Variants in ULBP1 observed in about 807,000 individuals in gnomAD.
ULBP1 encodes UL16-binding protein 1.
ULBP1 carries 28 observed loss-of-function variants against 25.3 expected under a neutral mutation model. That is an observed-to-expected ratio of 1.10 (90% CI 0.82 to 1.51). The LOEUF is 1.51. Ranked by LOEUF, ULBP1 falls within the 40% of genes most tolerant of loss-of-function variation. The probability of loss-of-function intolerance (pLI) is 0.00; values close to 1 mark genes in which losing one functional copy is unlikely to be tolerated. For synonymous variants in ULBP1, 129 were observed against 103.0 expected, an observed-to-expected ratio of 1.25 and a Z score of -1.53; for missense variants, 348 against 290.9, an observed-to-expected ratio of 1.20 and a Z score of -1.43.
intron 1 of ULBP1, 21 bp downstream of exon 1, chr6:149,964,155 T>C (rs776474610): frequency 1.2e-6 from 2 of 1,613,854 alleles, no homozygotes; most frequent in South Asian, 2.2e-5. Context: ...GGATGTAGCC[T>C]AAGCAGGGCG....
In ULBP1 at chr6:149,964,149, G is replaced by C; in HGVS notation, c.85+15G>C. On this transcript the variant is annotated intron_variant, in intron 1 of 4. Transcript: ENST00000229708. The stretch of plus-strand genomic sequence containing the variant: ...AGGATGGGTCGGTGAGTTCGGGGAT[G>C]TAGCCTAAGCAGGGCGGGGGCCAAA... 6.2e-7 allele frequency: 1 copy of C among 1,614,098 alleles called. No homozygotes were observed.
chr6:149,969,407 A>G (rs777529148), intron 3 of ULBP1, 47 bp downstream of exon 3: 5 of 1,594,774 alleles, frequency 3.1e-6, no homozygotes, highest in Admixed American at 3.4e-5. Context: ...TTCAGATCTT[A>G]TCAGCTGGTG....
chr6:149,970,061 C>G lies in ULBP1; in HGVS notation c.671C>G (p.Ala224Gly), dbSNP rs777475610. 35 of 1,613,404 alleles carry G rather than the reference C, an allele frequency of 2.2e-5. 1 individual carries two copies. In the South Asian group the frequency reaches 3.7e-4, roughly 17 times the overall value. ...GGCACAACCCAACCCAAGGCCATGGCCACCACCCTCAGTCCCTGGAGCCTT... is the reference window on the plus strand; with the variant it reads ...GGCACAACCCAACCCAAGGCCATGGGCACCACCCTCAGTCCCTGGAGCCTT... ...APGTTQPKAM[A>G]TTLSPWSLLI... Residue 224 changes from alanine (A) to glycine (G), a missense_variant, in exon 4 of 5, where the codon GCC (alanine) becomes GGC (glycine). Coordinates refer to ENST00000229708, the MANE Select transcript of ULBP1 (RefSeq NM_025218.4).
chr6:149,964,837 C>G (rs1291359860), intron 1 of ULBP1, among the ~76,000 whole-genome samples: 2 of 143,346 alleles, frequency 1.4e-5, no homozygotes, highest in Non-Finnish European at 3.1e-5. Context: ...CGCCGTCCCC[C>G]CGAGTAACGC....
chr6:149,967,409 C>A (rs1408680636), intron 1 of ULBP1, among the ~76,000 whole-genome samples: 1 of 152,172 alleles, frequency 6.6e-6, no homozygotes, highest in African/African-American at 2.4e-5. Flanking sequence ...TGAAGGAGCC[C>A]ACCAGGGCCT....
intron 3 of ULBP1, among the ~76,000 whole-genome samples, chr6:149,969,776 C>A (rs1354395159): frequency 6.6e-6 from 1 of 152,212 alleles, no homozygotes; most frequent in Non-Finnish European, 1.5e-5. Context: ...CCTCTTTCTC[C>A]ACAGCAGGAG....
intron 1 of ULBP1, among the ~76,000 whole-genome samples, chr6:149,967,106 C>T (rs1779217121): frequency 6.6e-6 from 1 of 152,192 alleles, no homozygotes; most frequent in Non-Finnish European, 1.5e-5. Context: ...ACTATCCATT[C>T]CCGGTAGAAA....
In ULBP1 at chr6:149,973,287, T is replaced by G. The variant is rs1271370772; in HGVS notation, c.*1941T>G. ...GTGGCAGCTAAACATTAAATTCGCATGAACCACAGATGCTGGAGATCACCA... is the reference window on the plus strand; with the variant it reads ...GTGGCAGCTAAACATTAAATTCGCAGGAACCACAGATGCTGGAGATCACCA... On this transcript the variant is annotated 3_prime_UTR_variant, in exon 5 of 5. Coordinates refer to ENST00000229708, the MANE Select transcript of ULBP1 (RefSeq NM_025218.4). 6.6e-6 allele frequency: 1 copy of G among 152,168 alleles called. No individual in the cohort carries two copies. 9.4% of individuals were successfully genotyped at this position (152,168 alleles called of 1,614,324 possible).
Position 149,969,182 on chromosome 6 carries a change from C to T in ULBP1, c.447C>T (p.Leu149=), listed in dbSNP as rs750387082. The T allele has an allele frequency of 1.9e-6, 3 of 1,614,224 alleles. No individual in the cohort carries two copies. The highest frequency in any genetic ancestry group is 1.7e-5 in the Admixed American group (1 of 60,030). The change falls in exon 3 of 5, where the codon CTC becomes CTT. Residue 149 remains leucine (L), a synonymous_variant. Transcript: ENST00000229708. ...TCCTCTTCAATGGACAGAAGTTCCT[C>T]CTCTTTGACTCAAACAACAGAAAGT... is the stretch of plus-strand genomic sequence containing the variant. The part of the protein sequence containing the change: ...WQFLFNGQKF[L]LFDSNNRKWT...
chr6:149,969,457 A>G (rs1779270097), intron 3 of ULBP1, 97 bp downstream of exon 3: 5 of 1,522,822 alleles, frequency 3.3e-6, no homozygotes, highest in East Asian at 2.3e-5. Flanking sequence ...TTGAGTGAGT[A>G]TGAACATGAC....
chr6:149,970,579 G>C (rs956246282), intron 4 of ULBP1, among the ~76,000 whole-genome samples: 1 of 152,374 alleles, frequency 6.6e-6, no homozygotes, highest in East Asian at 1.9e-4. Context: ...AGAGTGATCT[G>C]GGAGAATCCC....
chr6:149,968,421 G>T (rs772397941), intron 1 of ULBP1, among the ~76,000 whole-genome samples, 186 bp from the exon 2 acceptor site: 1 of 152,178 alleles, frequency 6.6e-6, no homozygotes, highest in Non-Finnish European at 1.5e-5. Flanking sequence ...CTTCCCCTCC[G>T]TGTACTCAAG....
Position 149,973,650 on chromosome 6 carries a change from A to G in ULBP1, c.*2304A>G, listed in dbSNP as rs1206019562. On this transcript the variant is annotated 3_prime_UTR_variant, in exon 5 of 5. Coordinates refer to ENST00000229708, the MANE Select transcript of ULBP1 (RefSeq NM_025218.4). ...TTGTATAAAAATTTGTATGATGATA[A>G]TTGTATAATAATTATACATGAAAGT... The G allele has an allele frequency of 6.6e-6, 1 of 152,230 alleles. No homozygotes were observed. Among genetic ancestry groups the G allele is most frequent in the African/African-American group, 2.4e-5 (1 of 41,468 alleles). 9.4% of individuals were successfully genotyped at this position (152,230 alleles called of 1,614,324 possible).
intron 1 of ULBP1, among the ~76,000 whole-genome samples, chr6:149,967,359 C>G (rs1024433936): frequency 6.6e-6 from 1 of 152,198 alleles, no homozygotes; most frequent in Non-Finnish European, 1.5e-5. Context: ...ATCTGGCTCT[C>G]TGGGGGAGGC....
In ULBP1 at chr6:149,968,607, A is replaced by G. The variant is rs1190705817; in HGVS notation, c.86A>G (p.Asp29Gly). The change falls in exon 2 of 5, where the codon GAC becomes GGC. Residue 29 changes from aspartate to glycine, a missense_variant and splice_region_variant. Coordinates refer to ENST00000229708, the MANE Select transcript of ULBP1 (RefSeq NM_025218.4). ...CCCCTCCTGTGTTTTTCTTCCACAG[A>G]CACACACTGTCTTTGCTATGACTTC... ...LSGWSRAGWV[D>G]THCLCYDFII... 6 of 1,602,308 alleles carry G rather than the reference A, an allele frequency of 3.7e-6. No individual in the cohort carries two copies. Among genetic ancestry groups the G allele is most frequent in the South Asian group, 1.1e-5 (1 of 90,430 alleles).
At chr6:149,967,362 G>GGGGAGGCTGA (rs1562493977) in intron 1 of ULBP1, among the ~76,000 whole-genome samples, 1 of 152,192 alleles carries the variant, frequency 6.6e-6, no homozygotes, top group Admixed American at 6.5e-5. Context: ...TGGCTCTCTG[G>GGGGAGGCTGA]GGGAGGCTGA....
chr6:149,970,289 T>C (rs916421522), intron 4 of ULBP1, 142 bp downstream of exon 4: 25 of 1,230,602 alleles, frequency 2.0e-5, no homozygotes, highest in Non-Finnish European at 2.5e-5. Context: ...TGTCACCTGT[T>C]GGCAATGACC....
Position 149,964,202 on chromosome 6 carries a change from T to C in ULBP1, c.85+68T>C, listed in dbSNP as rs116805866. 1.0e-3 allele frequency: 1,578 copies of C among 1,572,798 alleles called. 15 individuals carry two copies. The African/African-American group carries it at 0.019, about 19-fold the overall frequency. On this transcript the variant is annotated intron_variant, in intron 1 of 4. Transcript: ENST00000229708. The stretch of plus-strand genomic sequence containing the variant: ...TGGGAGGTTGTGGACTGCAGCGGGT[T>C]TCAGAGGAGGGGAGGCTTCTGGAAG...
chr6:149,964,029 C>A lies in ULBP1; in HGVS notation c.-21C>A, dbSNP rs201494555. ...GAAGGGAACCATCAGCGCCTCCTGTCCACGGAGCTCCAGGTCTACAATGGC... is the reference window on the plus strand; with the variant it reads ...GAAGGGAACCATCAGCGCCTCCTGTACACGGAGCTCCAGGTCTACAATGGC... On this transcript the variant is annotated 5_prime_UTR_variant, in exon 1 of 5. Transcript: ENST00000229708. 2,843 of 1,613,590 alleles carry A rather than the reference C, an allele frequency of 1.8e-3. 5 individuals are homozygous for A. Among genetic ancestry groups the A allele is most frequent in the Non-Finnish European group, 2.1e-3 (2,424 of 1,179,686 alleles).
Sources: gnomAD v4.1 joint callset for allele counts (sites outside exome capture counted in the v4.1 genomes callset) on GRCh38, gnomAD v4.1.1 for gene constraint, MANE v1.5 for transcripts, NCBI Gene and HGNC (gene_info 2026-07-23, HGNC 2026-07-21) for gene names.